MTARC1: variants seen among roughly 807,000 people sequenced by gnomAD.
MTARC1 encodes the protein mitochondrial amidoxime-reducing component 1.
MTARC1 carries 24 observed loss-of-function variants against 33.6 expected under a neutral mutation model. The ratio of observed to expected loss-of-function variants is 0.72; its 90% CI spans 0.52 to 1.01. The LOEUF (loss-of-function observed/expected upper bound fraction) is 1.01. MTARC1 is among the 50% of genes least tolerant of loss of function. The probability of loss-of-function intolerance (pLI) is 0.00; values close to 1 mark genes in which losing one functional copy is unlikely to be tolerated. For synonymous variants in MTARC1, 187 were observed against 189.5 expected (o/e 0.99, Z 0.11); for missense variants, 417 against 445.7 (o/e 0.94, Z 0.58).
intron 2 of MTARC1, 39 bp downstream of exon 2, chr1:220,791,703 T>C: frequency 6.3e-7 from 1 of 1,598,752 alleles, no homozygotes; most frequent in Non-Finnish European, 8.6e-7. Context: ...TGTGAATGAA[T>C]AGTCATGCAA....
At chr1:220,801,337 C>A (rs1191471900) in intron 4 of MTARC1, among the ~76,000 whole-genome samples, 2 of 148,646 alleles carry the variant, frequency 1.3e-5, no homozygotes, top group African/African-American at 5.0e-5. Flanking sequence ...ACTGACCCCG[C>A]TCACCCAGCC....
At chr1:220,801,320 G>A (rs765051136) in intron 4 of MTARC1, among the ~76,000 whole-genome samples, 8 of 151,318 alleles carry the variant, frequency 5.3e-5, no homozygotes, top group South Asian at 2.1e-4. Flanking sequence ...CCCCTGCTGC[G>A]GGCTTCACTG....
Position 220,808,291 on chromosome 1 carries a change from G to A in MTARC1, c.887+3017G>A, listed in dbSNP as rs72472350. ...AAACACAGAGTGAGGGTGGGAAGGC[G>A]GGGGGCGCAAGGAGCCAGCACACCC... is the stretch of plus-strand genomic sequence containing the variant. On this transcript the variant is annotated intron_variant, in intron 6 of 6. Coordinates refer to ENST00000366910, the MANE Select transcript of MTARC1 (RefSeq NM_022746.4). 2.2e-3 allele frequency among the ~76,000 whole-genome samples: 340 copies of A among 152,264 alleles called. 1 individual carries two copies. Among genetic ancestry groups the A allele is most frequent in the African/African-American group, 7.9e-3 (328 of 41,532 alleles).
chr1:220,808,646 C>T (rs901102527), intron 6 of MTARC1, among the ~76,000 whole-genome samples: 4 of 152,218 alleles, frequency 2.6e-5, no homozygotes, highest in African/African-American at 4.8e-5. Context: ...GGAATGCCAG[C>T]GCTCAGCTGG....
At chr1:220,801,918 CCA>C (rs1672820716) in intron 4 of MTARC1, among the ~76,000 whole-genome samples, 1 of 152,014 alleles carries the variant, frequency 6.6e-6, no homozygotes, top group Non-Finnish European at 1.5e-5. Flanking sequence ...TCGGCACTCC[CCA>C]CACACATTTC....
At chr1:220,794,597 A>G (rs1293395093) in intron 2 of MTARC1, among the ~76,000 whole-genome samples, 1 of 152,008 alleles carries the variant, frequency 6.6e-6, no homozygotes, top group African/African-American at 2.4e-5. Flanking sequence ...AGTAGATATG[A>G]TTAATACTAG....
Position 220,791,557 on chromosome 1 carries a change from G to C in MTARC1, c.342G>C (p.Leu114=). The change falls in exon 2 of 7, where the codon CTG becomes CTC. Residue 114 remains leucine, a synonymous_variant. Transcript: ENST00000366910. ...VTARQEPRLV[L]ISLTCDGDTL... Reference sequence around the variant, plus strand: ...CTCGCCAGGAACCTCGCCTGGTCCTGATTTCCCTGACCTGCGATGGTGACA... The same window carrying C: ...CTCGCCAGGAACCTCGCCTGGTCCTCATTTCCCTGACCTGCGATGGTGACA... The C allele has an allele frequency of 6.2e-7, 1 of 1,614,166 alleles. No homozygotes were observed. The highest frequency in any genetic ancestry group is 2.2e-5 in the East Asian group (1 of 44,860).
rs1288641928 is a variant in MTARC1 at position 220,796,768 on chromosome 1, C to A, written c.575C>A (p.Pro192His). The change falls in exon 3 of 7, where the codon CCT becomes CAT. Residue 192 changes from proline (P) to histidine (H), a missense_variant. Transcript: ENST00000366910. ...GAGCCTCACATGCGACCGAGACGTC[C>A]TCATCAAATAGCAGACTTGTTCCGA... Reference protein sequence around the residue: ...HFEPHMRPRRPHQIADLFRPK... With the variant: ...HFEPHMRPRRHHQIADLFRPK... The A allele has an allele frequency of 6.2e-7, 1 of 1,612,582 alleles. No homozygotes were observed. Among genetic ancestry groups the A allele is most frequent in the South Asian group, 1.1e-5 (1 of 90,708 alleles).
At chr1:220,798,219 GT>G in intron 4 of MTARC1, 1 of 1,497,782 alleles carries the variant, frequency 6.7e-7, no homozygotes, top group Non-Finnish European at 8.9e-7. Flanking sequence ...GTCAGAGACT[GT>G]CATCAAGGAG....
intron 4 of MTARC1, among the ~76,000 whole-genome samples, chr1:220,802,890 C>G (rs993776056): frequency 2.0e-5 from 3 of 152,166 alleles, no homozygotes; most frequent in African/African-American, 7.2e-5. Context: ...GTGATCTCTC[C>G]CGCTCTAAAA....
intron 6 of MTARC1, chr1:220,808,725 C>A (rs994305856): frequency 4.7e-6 from 2 of 429,972 alleles, no homozygotes; most frequent in Non-Finnish European, 9.6e-6. Flanking sequence ...CGCGGTGGTA[C>A]AGCAGTGGGA....
At chr1:220,798,789 A>G in intron 4 of MTARC1, 3 of 909,226 alleles carry the variant, frequency 3.3e-6, no homozygotes, top group Non-Finnish European at 3.9e-6. Flanking sequence ...GGTAAAGGGG[A>G]CCATATAGTG....
At chr1:220,813,185 CCT>C in intron 6 of MTARC1, 105 bp from the exon 7 acceptor site, 6 of 1,455,748 alleles carry the variant, frequency 4.1e-6, no homozygotes, top group Non-Finnish European at 5.7e-6. Flanking sequence ...GGGATGGTGC[CCT>C]CTCGAGCTGT....
chr1:220,790,447 G>T (rs1295472604), intron 1 of MTARC1, among the ~76,000 whole-genome samples: 2 of 152,166 alleles, frequency 1.3e-5, no homozygotes, highest in Non-Finnish European at 2.9e-5. Flanking sequence ...CCATTACCAG[G>T]AAGAATATTA....
chr1:220,791,944 T>A (rs897276708), intron 2 of MTARC1, among the ~76,000 whole-genome samples: 1 of 151,698 alleles, frequency 6.6e-6, no homozygotes, highest in Non-Finnish European at 1.5e-5. Flanking sequence ...AAGAGAAAAA[T>A]AACAGCACCC....
chr1:220,801,470 C>T (rs2102599847), intron 4 of MTARC1, among the ~76,000 whole-genome samples: 1 of 152,196 alleles, frequency 6.6e-6, no homozygotes, highest in African/African-American at 2.4e-5. Flanking sequence ...CTAGGAGAGC[C>T]CCTGGTACAT....
chr1:220,812,182 C>A (rs1673153039), intron 6 of MTARC1, among the ~76,000 whole-genome samples: 1 of 152,128 alleles, frequency 6.6e-6, no homozygotes, highest in Admixed American at 6.5e-5. Flanking sequence ...CGAGTCAGTA[C>A]AATGCAAAGC....
chr1:220,787,128 T>A lies in MTARC1; in HGVS notation c.184T>A (p.Trp62Arg), dbSNP rs1558081502. Residue 62 changes from tryptophan (W) to arginine (R), a missense_variant, in exon 1 of 7, where the codon TGG becomes AGG. Physicochemically the swap from Trp to Arg is moderately radical, Grantham distance 101 (BLOSUM62 -3). Coordinates refer to ENST00000366910, the MANE Select transcript of MTARC1 (RefSeq NM_022746.4). Reference sequence around the variant, plus strand: ...GCAGGTGGGCACAGTGGCGCAGCTCTGGATCTACCCTGTGAAATCCTGCAA... The same window carrying A: ...GCAGGTGGGCACAGTGGCGCAGCTCAGGATCTACCCTGTGAAATCCTGCAA... ...LQQVGTVAQL[W>R]IYPVKSCKGV... 1.3e-6 allele frequency: 2 copies of A among 1,559,462 alleles called. No individual in the cohort carries two copies. Among genetic ancestry groups the A allele is most frequent in the Non-Finnish European group, 8.7e-7 (1 of 1,153,872 alleles).
chr1:220,801,531 G>C (rs545976466), intron 4 of MTARC1, among the ~76,000 whole-genome samples: 2 of 152,306 alleles, frequency 1.3e-5, no homozygotes, highest in Middle Eastern at 6.8e-3. Flanking sequence ...ACAAAGTATT[G>C]TCCAGGAGAA....
Sources: allele counts gnomAD v4.1 joint callset (sites outside exome capture counted in the v4.1 genomes callset), GRCh38; gene constraint gnomAD v4.1.1; transcripts MANE v1.5; gene names NCBI Gene and HGNC (gene_info 2026-07-23, HGNC 2026-07-21).